C11orf65: variants seen among roughly 807,000 people sequenced by gnomAD.
C11orf65 encodes chromosome 11 open reading frame 65.
Under a neutral mutation model 35.3 loss-of-function variants are expected in C11orf65, and 38 were observed. The ratio of observed to expected loss-of-function variants is 1.08; its 90% CI spans 0.83 to 1.41. C11orf65 has a LOEUF of 1.41. C11orf65 is among the 40% of genes most tolerant of loss of function. C11orf65 has a pLI of 0.00. For missense variants in C11orf65, 370 were observed against 367.1 expected (o/e 1.01, Z -0.06); for synonymous variants, 105 against 114.4 (o/e 0.92, Z 0.53).
intron 7 of C11orf65, among the ~76,000 whole-genome samples, chr11:108,390,641 T>C (rs962161283): frequency 6.6e-6 from 1 of 152,180 alleles, no homozygotes; most frequent in African/African-American, 2.4e-5. Context: ...CCTACCTCTC[T>C]TTCCCTTTCT....
At position 108,317,188 on chromosome 11, in the gene C11orf65, C is replaced by T. The variant is rs528102698; in HGVS notation, c.641-8117G>A. On this transcript the variant is annotated intron_variant, in intron 6 of 6. Coordinates refer to the C11orf65 transcript ENST00000525729. ...TCCTGGGCTCAAGTGATCCTCCTGC[C>T]TCAGCCTCCCAAAGTGCTGAGATTA... 5.3e-5 allele frequency among the ~76,000 whole-genome samples: 8 copies of T among 152,036 alleles called. No individual in the cohort carries two copies. The East Asian group carries it at 1.4e-3, about 26-fold the overall frequency.
intron 2 of C11orf65, among the ~76,000 whole-genome samples, chr11:108,359,724 A>G (rs1332290972): frequency 1.3e-5 from 2 of 152,294 alleles, no homozygotes; most frequent in East Asian, 3.9e-4. Flanking sequence ...TGAAGGCAGA[A>G]ATAAAGATGT....
chr11:108,352,455 A>G (rs2089320225), intron 2 of C11orf65, among the ~76,000 whole-genome samples: 1 of 152,234 alleles, frequency 6.6e-6, no homozygotes, highest in African/African-American at 2.4e-5. Flanking sequence ...AGCCGTAGAA[A>G]TTACCCAAGC....
At chr11:108,315,201 C>A (rs185409295) in intron 6 of C11orf65, among the ~76,000 whole-genome samples, 1 of 152,240 alleles carries the variant, frequency 6.6e-6, no homozygotes, top group East Asian at 1.9e-4. Flanking sequence ...AGCAGATACT[C>A]ACAACACAAT....
chr11:108,349,610 C>T (rs1158874499), intron 2 of C11orf65, among the ~76,000 whole-genome samples: 1 of 152,070 alleles, frequency 6.6e-6, no homozygotes, highest in Non-Finnish European at 1.5e-5. Flanking sequence ...TTGCAGTGAG[C>T]TAAGATCATG....
intron 2 of C11orf65, among the ~76,000 whole-genome samples, chr11:108,440,967 G>A (rs943326399): frequency 6.6e-6 from 1 of 152,148 alleles, no homozygotes; most frequent in Non-Finnish European, 1.5e-5. Flanking sequence ...CATCTCACTG[G>A]GGCTTGTCAG....
chr11:108,364,266 TTA>T (rs1382314597), intron 2 of C11orf65, among the ~76,000 whole-genome samples: 4 of 152,198 alleles, frequency 2.6e-5, no homozygotes, highest in Non-Finnish European at 4.4e-5. Flanking sequence ...GAATCATTCT[TTA>T]TATTGTCTCC....
At chr11:108,397,845 G>A (rs1268627939) in intron 6 of C11orf65, among the ~76,000 whole-genome samples, 1 of 152,190 alleles carries the variant, frequency 6.6e-6, no homozygotes, top group Non-Finnish European at 1.5e-5. Flanking sequence ...GAGATCCTGT[G>A]CTAATAAATA....
chr11:108,406,782 C>T lies in C11orf65; in HGVS notation c.410G>A (p.Trp137Ter), dbSNP rs144865062. Residue 137 changes from tryptophan to a stop codon, truncating the protein, a stop_gained, in exon 5 of 9, where the codon TGG becomes TAG. Transcript: ENST00000393084. LOFTEE classifies it high-confidence loss of function. ...TCTTACTGTATCAGAAACTGGCCTC[C>T]AGCCATTGTTTTCTATACGATGATA... is the stretch of plus-strand genomic sequence containing the variant. ...GWYHRIENNG[W>*]RPVSDTFWLS... is the part of the protein sequence containing the mutation. 1.2e-3 allele frequency: 1,922 copies of T among 1,603,648 alleles called. 4 individuals carry two copies. The highest frequency in any genetic ancestry group is 1.5e-3 in the Non-Finnish European group (1,792 of 1,173,874).
chr11:108,452,244 C>G (rs2093357882), intron 2 of C11orf65, among the ~76,000 whole-genome samples: 1 of 151,992 alleles, frequency 6.6e-6, no homozygotes, highest in African/African-American at 2.4e-5. Context: ...GAAAATTTTT[C>G]CAATCTACCC....
At chr11:108,360,368 C>CA (rs2090577694) in intron 2 of C11orf65, among the ~76,000 whole-genome samples, 1 of 150,682 alleles carries the variant, frequency 6.6e-6, no homozygotes, top group South Asian at 2.1e-4. Context: ...ACCAGAGGTA[C>CA]AAGGAGGAAC....
intron 2 of C11orf65, among the ~76,000 whole-genome samples, chr11:108,376,295 T>G (rs895986582): frequency 2.0e-5 from 3 of 151,770 alleles, no homozygotes; most frequent in Non-Finnish European, 4.4e-5. Context: ...CAGACCACAG[T>G]GCAATCAAAC....
intron 2 of C11orf65, chr11:108,346,430 A>G (rs1467107394): frequency 6.5e-6 from 1 of 152,742 alleles, no homozygotes; most frequent in East Asian, 1.9e-4. Flanking sequence ...ATAGGTAGAT[A>G]GTATGGTTAA....
intron 3 of C11orf65, among the ~76,000 whole-genome samples, chr11:108,429,980 T>C (rs908145763): frequency 1.3e-5 from 2 of 151,988 alleles, no homozygotes; most frequent in Non-Finnish European, 1.5e-5. Flanking sequence ...TGCTGGGAGA[T>C]AGGTGGAAGG....
intron 3 of C11orf65, among the ~76,000 whole-genome samples, chr11:108,431,370 G>A (rs987394174): frequency 6.6e-6 from 1 of 151,988 alleles, no homozygotes; most frequent in African/African-American, 2.4e-5. Context: ...ATGTATTGTT[G>A]GATGAACAAA....
chr11:108,325,493 C>G lies in C11orf65; in HGVS notation c.641-16422G>C, dbSNP rs1008212556. The G allele has an allele frequency of 1.2e-6, 2 of 1,613,262 alleles. No homozygotes were observed. On this transcript the variant is annotated intron_variant, in intron 6 of 6. Transcript: ENST00000525729. ...GAGAATGTATTAAGGACATTCTCAC[C>G]AAACACCTTGTAGAACTCTCTATAC...
chr11:108,428,082 G>T (rs1218031165), intron 3 of C11orf65, among the ~76,000 whole-genome samples: 1 of 151,764 alleles, frequency 6.6e-6, no homozygotes, highest in East Asian at 1.9e-4. Context: ...ACCCGCCTCG[G>T]CCTCCCAAAG....
chr11:108,317,826 T>C lies in C11orf65; in HGVS notation c.641-8755A>G, dbSNP rs77724243. ...GCACCTAGGCTTGAATTTTACTCTC[T>C]TATTCCATTAGGACAACTTCACCCC... On this transcript the variant is annotated intron_variant, in intron 6 of 6. Transcript: ENST00000525729. Among the ~76,000 whole-genome samples, 885 of 151,616 alleles carry C rather than the reference T, an allele frequency of 5.8e-3. 9 individuals are homozygous for C. The highest frequency in any genetic ancestry group is 0.017 in the African/African-American group (718 of 41,344).
intron 2 of C11orf65, among the ~76,000 whole-genome samples, chr11:108,376,225 T>C (rs1312453354): frequency 6.6e-6 from 1 of 152,048 alleles, no homozygotes; most frequent in African/African-American, 2.4e-5. Context: ...GACCACATAG[T>C]TGGAAGTAAA....
Sources: gnomAD v4.1 joint callset for allele counts (sites outside exome capture counted in the v4.1 genomes callset) on GRCh38, gnomAD v4.1.1 for gene constraint, MANE v1.5 for transcripts, NCBI Gene and HGNC (gene_info 2026-07-23, HGNC 2026-07-21) for gene names.